Variants in RARB observed in about 807,000 individuals in gnomAD.
RARB encodes the protein retinoic acid receptor beta.
A neutral mutation model predicts 51.9 loss-of-function variants in RARB; 17 were observed. The ratio of observed to expected loss-of-function variants is 0.33; its 90% confidence interval spans 0.22 to 0.49. The LOEUF (loss-of-function observed/expected upper bound fraction) is 0.49, where lower values mean the gene tolerates loss of function less well. RARB is among the 20% of genes least tolerant of loss of function. The pLI, the probability that RARB is intolerant of heterozygous loss-of-function variation, is 0.99. For missense variants in RARB, 369 were observed against 550.8 expected, an observed-to-expected ratio of 0.67 and a Z score of 3.30; for synonymous variants, 215 against 195.4, an observed-to-expected ratio of 1.10 and a Z score of -0.84.
At chr3:24,896,005 A>C (rs778763021) in intron 2 of RARB, among the ~76,000 whole-genome samples, 1 of 152,212 alleles carries the variant, frequency 6.6e-6, no homozygotes, top group African/African-American at 2.4e-5. Context: ...TTGTCTATAC[A>C]TACAGTGGCA....
chr3:24,854,240 G>A (rs1337769177), intron 1 of RARB, among the ~76,000 whole-genome samples: 1 of 152,180 alleles, frequency 6.6e-6, no homozygotes, highest in Admixed American at 6.5e-5. Flanking sequence ...GGTAGTAAAT[G>A]AGCTGAGGGG....
intron 5 of RARB, among the ~76,000 whole-genome samples, chr3:25,329,730 A>G (rs925514262): frequency 1.3e-5 from 2 of 152,226 alleles, no homozygotes; most frequent in African/African-American, 2.4e-5. Context: ...CTAAAGGAGG[A>G]TGTTGAAACC....
chr3:24,935,926 T>C (rs1695539294), intron 2 of RARB, among the ~76,000 whole-genome samples: 1 of 152,126 alleles, frequency 6.6e-6, no homozygotes, highest in Non-Finnish European at 1.5e-5. Context: ...CACCAATAAA[T>C]TGGCACAGAG....
At chr3:25,437,762 G>A (rs1337295377) in intron 1 of RARB, among the ~76,000 whole-genome samples, 1 of 152,182 alleles carries the variant, frequency 6.6e-6, no homozygotes, top group Non-Finnish European at 1.5e-5. Context: ...GTTCACAAAG[G>A]AGTTCTAAAC....
intron 4 of RARB, among the ~76,000 whole-genome samples, chr3:25,143,920 C>T (rs75182937): frequency 0.084 from 12,848 of 152,182 alleles, 705 homozygotes; most frequent in Non-Finnish European, 0.13. Flanking sequence ...TCAGCAGTCA[C>T]CTAGAAATAC....
intron 5 of RARB, among the ~76,000 whole-genome samples, chr3:25,218,401 TG>T (rs1304482046): frequency 1.3e-5 from 2 of 152,094 alleles, no homozygotes; most frequent in Non-Finnish European, 2.9e-5. Context: ...AGGGTGCTGC[TG>T]TATAGTTCCC....
rs1699251991 is a variant in RARB at position 25,094,178 on chromosome 3, AC to A, written c.-328+34003del. Among the ~76,000 whole-genome samples, 9 of 152,288 alleles carry A rather than the reference AC, an allele frequency of 5.9e-5. No individual in the cohort carries two copies. The South Asian group carries it at 1.9e-3, about 32-fold the overall frequency. On this transcript the variant is annotated intron_variant, in intron 3 of 11. Coordinates refer to the RARB transcript ENST00000383772. ...CTTCACATGTTTACAGTTGTCTGTT[AC>A]TTGCATATAGAAGGTCTATTCAATG...
chr3:25,452,424 C>CGG (rs904511749), intron 1 of RARB, among the ~76,000 whole-genome samples: 4 of 83,194 alleles, frequency 4.8e-5, no homozygotes, highest in African/African-American at 3.3e-4. Context: ...AGCTACAACA[C>CGG]AGAGTGATTA....
intron 2 of RARB, among the ~76,000 whole-genome samples, chr3:25,005,692 T>C (rs1018196016): frequency 2.0e-5 from 3 of 152,132 alleles, no homozygotes; most frequent in African/African-American, 7.2e-5. Context: ...GGGAGGGGAC[T>C]ACACAAGAGT....
intron 4 of RARB, among the ~76,000 whole-genome samples, chr3:25,148,130 T>C (rs1400671310): frequency 6.6e-6 from 1 of 152,228 alleles, no homozygotes; most frequent in Non-Finnish European, 1.5e-5. Context: ...TAACTGGGTA[T>C]GTAAGTTACA....
At chr3:25,394,846 AT>A (rs1433279295) in intron 5 of RARB, among the ~76,000 whole-genome samples, 1 of 152,128 alleles carries the variant, frequency 6.6e-6, no homozygotes, top group Non-Finnish European at 1.5e-5. Flanking sequence ...CTGAATTCTT[AT>A]CCATTCTGCC....
chr3:24,936,975 A>G (rs574212031), intron 2 of RARB, among the ~76,000 whole-genome samples: 1 of 152,340 alleles, frequency 6.6e-6, no homozygotes, highest in South Asian at 2.1e-4. Context: ...GAGCCTGGAT[A>G]AGTCTTCAGT....
At chr3:25,004,584 G>C (rs772515648) in intron 2 of RARB, among the ~76,000 whole-genome samples, 4 of 152,008 alleles carry the variant, frequency 2.6e-5, no homozygotes, top group African/African-American at 4.8e-5. Flanking sequence ...CCTCTTAATG[G>C]TCTCACCTCT....
rs144102472 is a variant in RARB, at chr3:25,554,557, T to C, written c.449-15201T>C. Among the ~76,000 whole-genome samples, 641 of 152,202 alleles carry C rather than the reference T, an allele frequency of 4.2e-3. 2 individuals carry two copies. The highest frequency in any genetic ancestry group is 6.2e-3 in the Non-Finnish European group (422 of 67,994). On this transcript the variant is annotated intron_variant, in intron 3 of 7. Transcript: ENST00000330688. Reference sequence around the variant, plus strand: ...CCTACAACATTTCTATCTGGCCTATTAGGAGAAAAATTTGCCACTCCTGGG... The same window carrying C: ...CCTACAACATTTCTATCTGGCCTATCAGGAGAAAAATTTGCCACTCCTGGG...
At chr3:25,130,551 C>T (rs942450141) in intron 3 of RARB, among the ~76,000 whole-genome samples, 2 of 151,766 alleles carry the variant, frequency 1.3e-5, no homozygotes, top group African/African-American at 4.8e-5. Flanking sequence ...CTTCCTGGCG[C>T]ACTGCATTTT....
At chr3:25,187,756 AAATT>A (rs1314051876) in intron 5 of RARB, among the ~76,000 whole-genome samples, 1 of 152,116 alleles carries the variant, frequency 6.6e-6, no homozygotes, top group Non-Finnish European at 1.5e-5. Flanking sequence ...TGGAGAAAGA[AAATT>A]AATATCTCTT....
intron 5 of RARB, among the ~76,000 whole-genome samples, chr3:25,255,048 C>T (rs543130232): frequency 1.3e-5 from 2 of 152,112 alleles, no homozygotes; most frequent in Non-Finnish European, 2.9e-5. Flanking sequence ...AGGGGCTGCT[C>T]CCAATATTGG....
chr3:24,869,198 C>T (rs752184215), intron 2 of RARB, among the ~76,000 whole-genome samples: 60 of 152,122 alleles, frequency 3.9e-4, no homozygotes, highest in Non-Finnish European at 7.3e-4. Context: ...ATTAAAATCA[C>T]TAATAGCAAC....
chr3:25,181,996 T>C (rs762863148), intron 5 of RARB, among the ~76,000 whole-genome samples: 1 of 152,228 alleles, frequency 6.6e-6, no homozygotes, highest in Admixed American at 6.5e-5. Context: ...AAATAACCAT[T>C]ACTTTATTAA....
Sources: allele counts gnomAD v4.1 joint callset (sites outside exome capture counted in the v4.1 genomes callset), GRCh38; gene constraint gnomAD v4.1.1; transcripts MANE v1.5; gene names NCBI Gene and HGNC (gene_info 2026-07-23, HGNC 2026-07-21).